The following NT5C1A variants were observed in gnomAD, a reference collection of about 807,000 sequenced individuals.
NT5C1A encodes 5'-nucleotidase, cytosolic IA.
A neutral mutation model predicts 31.0 loss-of-function variants in NT5C1A; 18 were observed. The ratio of observed to expected loss-of-function variants is 0.58; its 90% confidence interval spans 0.40 to 0.86. The LOEUF is 0.86. NT5C1A is among the 40% of genes least tolerant of loss of function. NT5C1A has a pLI of 0.00. For synonymous variants in NT5C1A, 185 were observed against 203.6 expected (o/e 0.91, Z 0.78); for missense variants, 470 against 505.4 (o/e 0.93, Z 0.67).
At chr1:39,668,335 C>T (rs1646533835) in intron 1 of NT5C1A, among the ~76,000 whole-genome samples, 1 of 152,210 alleles carries the variant, frequency 6.6e-6, no homozygotes, top group Non-Finnish European at 1.5e-5. Flanking sequence ...GCCACTCCAA[C>T]CCTGGCAGCC....
At position 39,657,163 on chromosome 1, in the gene NT5C1A, C is replaced by G. The variant is rs1322643965; in HGVS notation, c.*1958G>C. ...GTCCCAGTCACTCCACACAGCCATA[C>G]CCTTCCTCCCTGGGACCAGCCTCAT... On this transcript the variant is annotated 3_prime_UTR_variant, in exon 6 of 6. Coordinates refer to ENST00000235628, the MANE Select transcript of NT5C1A (RefSeq NM_032526.3). Among the ~76,000 whole-genome samples, 1 of 152,222 alleles carries G rather than the reference C, an allele frequency of 6.6e-6. No individual in the cohort carries two copies. The highest frequency in any genetic ancestry group is 1.5e-5 in the Non-Finnish European group (1 of 68,028).
chr1:39,667,909 C>T (rs992100543), intron 1 of NT5C1A, among the ~76,000 whole-genome samples: 3 of 152,308 alleles, frequency 2.0e-5, no homozygotes, highest in East Asian at 1.9e-4. Flanking sequence ...AACAGCTATA[C>T]GTGGCTAGTG....
intron 1 of NT5C1A, among the ~76,000 whole-genome samples, chr1:39,670,864 T>G (rs1255976063): frequency 8.9e-6 from 1 of 112,518 alleles, no homozygotes; most frequent in East Asian, 2.9e-4. Context: ...ATGTCACTAC[T>G]CTACTCCCCC....
At chr1:39,668,315 T>C (rs898873113) in intron 1 of NT5C1A, among the ~76,000 whole-genome samples, 3 of 152,086 alleles carry the variant, frequency 2.0e-5, no homozygotes, top group African/African-American at 7.2e-5. Context: ...TTAGGCAGGT[T>C]CCCAAGCCTG....
At position 39,672,044 on chromosome 1, in the gene NT5C1A, G is replaced by A. The variant is rs778066960; in HGVS notation, c.-6C>T. 11 of 1,590,076 alleles carry A rather than the reference G, an allele frequency of 6.9e-6. No homozygotes were observed. Among genetic ancestry groups the A allele is most frequent in the South Asian group, 2.2e-5 (2 of 90,232 alleles). ...CGGGGCTGCCCAGGTTCCATGCTCCGGCTCTGACCCGGCCCGGCCAGAGCA... is the reference window on the plus strand; with the variant it reads ...CGGGGCTGCCCAGGTTCCATGCTCCAGCTCTGACCCGGCCCGGCCAGAGCA... On this transcript the variant is annotated 5_prime_UTR_variant, in exon 1 of 6. Transcript: ENST00000235628.
intron 1 of NT5C1A, 90 bp from the exon 2 acceptor site, chr1:39,666,326 T>C (rs934583626): frequency 2.3e-6 from 3 of 1,314,056 alleles, no homozygotes; most frequent in African/African-American, 2.9e-5. Context: ...AGTGAGGACA[T>C]GGAGAAGACC....
rs1396710038 is a variant in NT5C1A at position 39,652,873 on chromosome 1, A to C, written c.*6248T>G. Among the ~76,000 whole-genome samples, 4 of 151,906 alleles carry C rather than the reference A, an allele frequency of 2.6e-5. No individual in the cohort carries two copies. The highest frequency in any genetic ancestry group is 7.3e-5 in the African/African-American group (3 of 41,344). The stretch of plus-strand genomic sequence containing the variant: ...ATTAGAACACTCAAGCAGAGGCAGG[A>C]ATCTTTGCCTAGGTTGGGCAGGGCT... On this transcript the variant is annotated 3_prime_UTR_variant, in exon 6 of 6. Coordinates refer to ENST00000235628, the MANE Select transcript of NT5C1A (RefSeq NM_032526.3).
intron 1 of NT5C1A, among the ~76,000 whole-genome samples, chr1:39,668,923 A>T (rs2124164845): frequency 6.6e-6 from 1 of 152,354 alleles, no homozygotes; most frequent in East Asian, 1.9e-4. Context: ...GGACTGATGA[A>T]TGACCTGTCC....
intron 1 of NT5C1A, among the ~76,000 whole-genome samples, chr1:39,670,558 C>G (rs1478498576): frequency 6.6e-6 from 1 of 152,216 alleles, no homozygotes; most frequent in African/African-American, 2.4e-5. Context: ...TGTGTGCAGA[C>G]TCCCTGAAAC....
At chr1:39,663,990 C>A (rs1206368674) in intron 3 of NT5C1A, among the ~76,000 whole-genome samples, 1 of 152,072 alleles carries the variant, frequency 6.6e-6, no homozygotes, top group Non-Finnish European at 1.5e-5. Flanking sequence ...GAGAGTCTGT[C>A]CTGATTACGC....
intron 5 of NT5C1A, 91 bp from the exon 6 acceptor site, chr1:39,659,577 G>T: frequency 6.8e-7 from 1 of 1,468,184 alleles, no homozygotes; most frequent in Non-Finnish European, 9.1e-7. Flanking sequence ...CTTGTTTGGT[G>T]TGGAAAACTT....
At chr1:39,667,216 T>C (rs1293100218) in intron 1 of NT5C1A, among the ~76,000 whole-genome samples, 1 of 105,520 alleles carries the variant, frequency 9.5e-6, no homozygotes, top group Non-Finnish European at 2.0e-5. Flanking sequence ...TTTTTTTTTT[T>C]CTGAGATGGA....
chr1:39,663,181 G>T (rs957893103), intron 4 of NT5C1A, 131 bp downstream of exon 4: 9 of 970,224 alleles, frequency 9.3e-6, no homozygotes, highest in South Asian at 6.1e-5. Flanking sequence ...ATTAAGGAAA[G>T]TATTGCTCAG....
chr1:39,661,536 A>G (rs549965486), intron 4 of NT5C1A, among the ~76,000 whole-genome samples: 1 of 152,006 alleles, frequency 6.6e-6, no homozygotes, highest in African/African-American at 2.4e-5. Flanking sequence ...GAGGAGTCCC[A>G]GGGGGCAGGA....
intron 1 of NT5C1A, among the ~76,000 whole-genome samples, chr1:39,669,516 GCCCATGAGGC>G (rs991429819): frequency 2.0e-5 from 3 of 152,184 alleles, no homozygotes; most frequent in Admixed American, 1.3e-4. Context: ...CCATGATGGG[GCCCATGAGGC>G]CTAGAGCCCC....
rs61024293 is a variant in NT5C1A at position 39,652,030 on chromosome 1, CAAAAAAAAAAAAAAAAAAAAAAA to C, written c.*7068_*7090del. ...TGAGTGACAGAGCAAGACTCCGTCT[CAAAAAAAAAAAAAAAAAAAAAAA>C]AAAAAAAAAAAAAAGAAGTTTGTAC... On this transcript the variant is annotated 3_prime_UTR_variant, in exon 6 of 6. Coordinates refer to ENST00000235628, the MANE Select transcript of NT5C1A (RefSeq NM_032526.3). 4.0e-4 allele frequency among the ~76,000 whole-genome samples: 15 copies of C among 37,856 alleles called. 1 individual carries two copies. Among genetic ancestry groups the C allele is most frequent in the African/African-American group, 7.1e-4 (10 of 14,054 alleles). 24.8% of individuals were successfully genotyped at this position (37,856 alleles called of 152,430 possible). A position where few individuals can be genotyped will look rare whatever the true frequency, so the allele number is the denominator to read the frequency against.
chr1:39,665,265 A>G (rs1338139487), intron 3 of NT5C1A, among the ~76,000 whole-genome samples: 1 of 152,170 alleles, frequency 6.6e-6, no homozygotes, highest in Non-Finnish European at 1.5e-5. Context: ...AAACATTCAG[A>G]AATTTTGTGA....
Position 39,659,080 on chromosome 1 carries a change from G to A in NT5C1A, c.*41C>T. Reference sequence around the variant, plus strand: ...CAGAGGAGGTGTCGAAGTATGTCAGGGAGCCTGGAGCAATGTGGATCAGTA... The same window carrying A: ...CAGAGGAGGTGTCGAAGTATGTCAGAGAGCCTGGAGCAATGTGGATCAGTA... On this transcript the variant is annotated 3_prime_UTR_variant, in exon 6 of 6. Coordinates refer to ENST00000235628, the MANE Select transcript of NT5C1A (RefSeq NM_032526.3). The A allele has an allele frequency of 1.3e-6, 2 of 1,539,796 alleles. No individual in the cohort carries two copies. Among genetic ancestry groups the A allele is most frequent in the Non-Finnish European group, 1.7e-6 (2 of 1,143,800 alleles).
At chr1:39,666,398 C>T (rs1255550794) in intron 1 of NT5C1A, among the ~76,000 whole-genome samples, 162 bp from the exon 2 acceptor site, 1 of 152,184 alleles carries the variant, frequency 6.6e-6, no homozygotes, top group East Asian at 1.9e-4. Flanking sequence ...GGTCAGGACC[C>T]CATCTATGAC....
Sources: allele counts gnomAD v4.1 joint callset (sites outside exome capture counted in the v4.1 genomes callset), GRCh38; gene constraint gnomAD v4.1.1; transcripts MANE v1.5; gene names NCBI Gene and HGNC (gene_info 2026-07-23, HGNC 2026-07-21).